Variants in NCAM1 observed in about 807,000 individuals in gnomAD.
NCAM1 encodes the protein neural cell adhesion molecule 1.
Under a neutral mutation model 109.8 loss-of-function variants are expected in NCAM1, and 14 were observed. The observed-to-expected ratio is 0.13, with a 90% confidence interval of 0.08 to 0.20. The LOEUF (loss-of-function observed/expected upper bound fraction) is 0.20. NCAM1 is among the 10% of genes least tolerant of loss of function. The probability of loss-of-function intolerance (pLI) is 1.00; values close to 1 mark genes in which losing one functional copy is unlikely to be tolerated. For synonymous variants in NCAM1, 418 were observed against 442.9 expected, an observed-to-expected ratio of 0.94 and a Z score of 0.70; for missense variants, 774 against 1,109.9, an observed-to-expected ratio of 0.70 and a Z score of 4.30.
chr11:113,028,170 A>G (rs1952611170), intron 1 of NCAM1, among the ~76,000 whole-genome samples: 1 of 152,182 alleles, frequency 6.6e-6, no homozygotes. Flanking sequence ...CAAGATAGCT[A>G]ACGAAGAAGA....
At chr11:112,995,194 C>T (rs551398547) in intron 1 of NCAM1, among the ~76,000 whole-genome samples, 12 of 151,918 alleles carry the variant, frequency 7.9e-5, no homozygotes, top group African/African-American at 2.4e-4. Flanking sequence ...TCCTACCCCC[C>T]GCCACTGGAA....
intron 1 of NCAM1, among the ~76,000 whole-genome samples, chr11:113,165,804 G>T (rs564455807): frequency 9.6e-4 from 129 of 134,674 alleles, no homozygotes; most frequent in African/African-American, 3.4e-3. Context: ...CTCCTAAATA[G>T]CAAAACCGAC....
intron 16 of NCAM1, among the ~76,000 whole-genome samples, chr11:113,258,917 C>G (rs1207472131): frequency 6.6e-6 from 1 of 152,250 alleles, no homozygotes; most frequent in Non-Finnish European, 1.5e-5. Context: ...ACTTCTCTCT[C>G]ACTTCCCCAT....
intron 1 of NCAM1, among the ~76,000 whole-genome samples, chr11:113,138,300 T>C (rs982075455): frequency 2.6e-4 from 40 of 152,220 alleles, no homozygotes; most frequent in African/African-American, 9.6e-4. Flanking sequence ...GAAGTTGAAT[T>C]TGTCTGGCCC....
chr11:113,273,840 C>T lies in NCAM1; in HGVS notation c.2457-1427C>T. On this transcript the variant is annotated intron_variant, in intron 19 of 19. Coordinates refer to ENST00000316851, the MANE Select transcript of NCAM1 (RefSeq NM_181351.5). This position sits in a 1 kb window ranked among gnomAD's most constrained non-coding sequence, Gnocchi z 6.0. ...GTGTCCTCCTTGTTAGATGTGTCTT[C>T]AGCCTCATCCAGGGCTTCTCTGAGG... is the stretch of plus-strand genomic sequence containing the variant. 1 of 260,906 alleles carries T rather than the reference C, an allele frequency of 3.8e-6. No homozygotes were observed. The highest frequency in any genetic ancestry group is 8.1e-6 in the Non-Finnish European group (1 of 123,416). 16.2% of individuals were successfully genotyped at this position (260,906 alleles called of 1,614,324 possible).
intron 1 of NCAM1, among the ~76,000 whole-genome samples, chr11:113,104,211 G>GGC (rs1940034901): frequency 7.7e-6 from 1 of 130,564 alleles, no homozygotes; most frequent in Non-Finnish European, 1.6e-5. Context: ...GTGGGGTGGG[G>GGC]GGGGGGGCGG....
At chr11:113,207,723 T>C in intron 6 of NCAM1, 110 bp from the exon 7 acceptor site, 2 of 1,200,584 alleles carry the variant, frequency 1.7e-6, no homozygotes, top group Non-Finnish European at 2.3e-6. Context: ...TTGTGAAGAC[T>C]GAGGAGTCTT....
At chr11:113,223,356 C>A (rs1165302357) in intron 9 of NCAM1, among the ~76,000 whole-genome samples, 1 of 151,936 alleles carries the variant, frequency 6.6e-6, no homozygotes, top group Non-Finnish European at 1.5e-5. Context: ...GAGCCTACTG[C>A]AAAATAAGAA....
At chr11:113,011,987 C>CCTTCCTTG (rs1555074498) in intron 1 of NCAM1, among the ~76,000 whole-genome samples, 2 of 148,204 alleles carry the variant, frequency 1.3e-5, no homozygotes, top group African/African-American at 2.5e-5. Flanking sequence ...TTCCTTCCTT[C>CCTTCCTTG]CTTCCTTCCT....
chr11:113,036,793 A>G (rs1167688542), intron 1 of NCAM1, among the ~76,000 whole-genome samples: 2 of 152,032 alleles, frequency 1.3e-5, no homozygotes, highest in Non-Finnish European at 2.9e-5. Flanking sequence ...TGCCCTACAG[A>G]TAGGCTAAGA....
chr11:113,046,721 G>A (rs1483089777), intron 1 of NCAM1, among the ~76,000 whole-genome samples: 4 of 151,068 alleles, frequency 2.6e-5, no homozygotes, highest in Admixed American at 2.6e-4. Flanking sequence ...AAGAAAGAAA[G>A]GAAGATAGAA....
At chr11:113,207,743 C>A in intron 6 of NCAM1, 90 bp from the exon 7 acceptor site, 1 of 1,374,352 alleles carries the variant, frequency 7.3e-7, no homozygotes, top group Non-Finnish European at 1.0e-6. Flanking sequence ...TTCCCATTGA[C>A]TCAGTCTGCA....
At chr11:113,022,025 C>A (rs1952399141) in intron 1 of NCAM1, among the ~76,000 whole-genome samples, 1 of 152,152 alleles carries the variant, frequency 6.6e-6, no homozygotes, top group Admixed American at 6.5e-5. Context: ...ATTATATAGT[C>A]AAAGCCAATG....
chr11:113,096,031 G>A (rs1185685699), intron 1 of NCAM1, among the ~76,000 whole-genome samples: 1 of 152,092 alleles, frequency 6.6e-6, no homozygotes, highest in African/African-American at 2.4e-5. Flanking sequence ...AGGCCCACAG[G>A]AATTCAGACA....
chr11:113,161,627 CT>C (rs1276599429), intron 1 of NCAM1, among the ~76,000 whole-genome samples: 1 of 152,182 alleles, frequency 6.6e-6, no homozygotes, highest in Non-Finnish European at 1.5e-5. Flanking sequence ...TAAAATCCCC[CT>C]GCCTGTTGAG....
At chr11:113,106,994 C>T (rs797039224) in intron 1 of NCAM1, among the ~76,000 whole-genome samples, 14 of 152,298 alleles carry the variant, frequency 9.2e-5, no homozygotes, top group African/African-American at 3.4e-4. Context: ...ATTTGTTTCA[C>T]ACAATGATTT....
intron 14 of NCAM1, chr11:113,240,919 A>C: frequency 7.5e-7 from 1 of 1,340,840 alleles, no homozygotes. Context: ...CTCCTTCACC[A>C]GGTGATAATT....
At chr11:113,175,017 C>G (rs1943103703) in intron 1 of NCAM1, among the ~76,000 whole-genome samples, 2 of 152,182 alleles carry the variant, frequency 1.3e-5, no homozygotes, top group African/African-American at 4.8e-5. Context: ...CCATGGAACT[C>G]CTACAAAATA....
rs12419790 is a variant in NCAM1 at position 113,062,810 on chromosome 11, A to T, written c.52+101146A>T. Among the ~76,000 whole-genome samples the T allele has an allele frequency of 1.9e-3, 282 of 152,224 alleles. 4 individuals are homozygous for T. Among genetic ancestry groups the T allele is most frequent in the Admixed American group, 0.015 (235 of 15,292 alleles). The stretch of plus-strand genomic sequence containing the variant: ...AACATATTGAGACTTTACCAAAAAA[A>T]ATTAAAAATTAGCTGGATGTGGTGG... On this transcript the variant is annotated intron_variant, in intron 1 of 19. Transcript: ENST00000316851.
Sources: allele counts gnomAD v4.1 joint callset (sites outside exome capture counted in the v4.1 genomes callset), GRCh38; gene constraint gnomAD v4.1.1; non-coding constraint Gnocchi (gnomAD v3.1); transcripts MANE v1.5; gene names NCBI Gene and HGNC (gene_info 2026-07-23, HGNC 2026-07-21).